Variants in ADAM12 observed in about 807,000 individuals in gnomAD.
ADAM12 encodes ADAM metallopeptidase domain 12.
A neutral mutation model predicts 106.4 loss-of-function variants in ADAM12; 70 were observed. That is an observed-to-expected ratio of 0.66 (90% CI 0.54 to 0.80). ADAM12 has a LOEUF of 0.80. Among genes scored for constraint, ADAM12 ranks in the 30% least tolerant of loss-of-function variants. ADAM12 has a pLI of 0.00. For missense variants in ADAM12, 1,010 were observed against 1,171.9 expected (o/e 0.86, Z 2.02); for synonymous variants, 420 against 433.5 (o/e 0.97, Z 0.39).
At chr10:126,286,271 C>G (rs182732528) in intron 2 of ADAM12, among the ~76,000 whole-genome samples, 5 of 151,974 alleles carry the variant, frequency 3.3e-5, no homozygotes, top group African/African-American at 1.2e-4. Context: ...GGCAGTGGAA[C>G]GGCAGCAGGT....
intron 3 of ADAM12, among the ~76,000 whole-genome samples, chr10:126,166,719 C>T (rs1957031422): frequency 6.6e-6 from 1 of 151,954 alleles, no homozygotes; most frequent in Non-Finnish European, 1.5e-5. Context: ...GGATGGTCTC[C>T]ATCTCTTGAC....
intron 2 of ADAM12, among the ~76,000 whole-genome samples, chr10:126,324,412 G>C (rs1564733750): frequency 6.6e-6 from 1 of 152,210 alleles, no homozygotes; most frequent in African/African-American, 2.4e-5. Context: ...AAGATGTAGG[G>C]GTGGGGGCTC....
intron 2 of ADAM12, among the ~76,000 whole-genome samples, chr10:126,286,458 C>G (rs1056055323): frequency 1.2e-4 from 19 of 152,112 alleles, no homozygotes; most frequent in Admixed American, 6.5e-4. Context: ...TCAAGAAGAA[C>G]AACAAAATTA....
At chr10:126,288,834 A>G (rs1187531119) in intron 2 of ADAM12, among the ~76,000 whole-genome samples, 1 of 151,242 alleles carries the variant, frequency 6.6e-6, no homozygotes, top group Non-Finnish European at 1.5e-5. Flanking sequence ...CAGGGACAGG[A>G]AAGTGGTGAC....
chr10:126,109,929 G>A (rs1955840076), intron 6 of ADAM12, 89 bp from the exon 7 acceptor site: 1 of 1,291,368 alleles, frequency 7.7e-7, no homozygotes, highest in Non-Finnish European at 1.1e-6. Context: ...ACTTTAGGTT[G>A]AGAATGTATA....
At chr10:126,220,167 C>G (rs1260785014) in intron 3 of ADAM12, among the ~76,000 whole-genome samples, 1 of 152,190 alleles carries the variant, frequency 6.6e-6, no homozygotes, top group Non-Finnish European at 1.5e-5. Context: ...TGTGTCTGTG[C>G]GTGGCAATGT....
At chr10:126,264,883 G>T (rs569756004) in intron 3 of ADAM12, among the ~76,000 whole-genome samples, 4 of 152,064 alleles carry the variant, frequency 2.6e-5, no homozygotes, top group Non-Finnish European at 5.9e-5. Context: ...ATCTACCTCC[G>T]TGCCAGATGT....
At chr10:126,305,019 T>G (rs933137182) in intron 2 of ADAM12, among the ~76,000 whole-genome samples, 1 of 152,042 alleles carries the variant, frequency 6.6e-6, no homozygotes, top group East Asian at 1.9e-4. Context: ...AACACATATA[T>G]ATTTCTGGCG....
chr10:126,254,091 T>C (rs1958840827), intron 3 of ADAM12, among the ~76,000 whole-genome samples: 1 of 152,178 alleles, frequency 6.6e-6, no homozygotes, highest in South Asian at 2.1e-4. Context: ...TGGGCAGCAC[T>C]GTCCATCTTC....
intron 5 of ADAM12, among the ~76,000 whole-genome samples, chr10:126,121,015 ATATATATTATATAT>A (rs1460516346): frequency 2.2e-5 from 1 of 45,476 alleles, no homozygotes; most frequent in Non-Finnish European, 4.8e-5. Context: ...ATGCAATATA[ATATATATTATATAT>A]TATATATGCA....
At chr10:126,382,746 TG>T (rs932514283) in intron 1 of ADAM12, among the ~76,000 whole-genome samples, 3 of 151,756 alleles carry the variant, frequency 2.0e-5, no homozygotes, top group East Asian at 3.9e-4. Context: ...ATTAAACAAA[TG>T]GGGGGGAAAG....
At position 126,036,335 on chromosome 10, in the gene ADAM12, CAAAGT is replaced by C. The variant is rs745777766; in HGVS notation, c.2350-15_2350-11del. 1.8e-5 allele frequency: 28 copies of C among 1,563,946 alleles called. No individual in the cohort carries two copies. The highest frequency in any genetic ancestry group is 2.2e-5 in the Non-Finnish European group (26 of 1,161,600). On this transcript the variant is annotated splice_polypyrimidine_tract_variant and intron_variant, in intron 20 of 22. Coordinates refer to ENST00000448723, the MANE Select transcript of ADAM12 (RefSeq NM_001288973.2). ...ATCTCCTGGGATTGTCCTGTACAGTCAAAGTAAAAAGCCATGCTATAGCGGGTTTC... is the reference window on the plus strand; with the variant it reads ...ATCTCCTGGGATTGTCCTGTACAGTCAAAAAGCCATGCTATAGCGGGTTTC...
intron 1 of ADAM12, among the ~76,000 whole-genome samples, chr10:126,384,947 G>T (rs1182275263): frequency 6.6e-6 from 1 of 152,204 alleles, no homozygotes; most frequent in Non-Finnish European, 1.5e-5. Context: ...ACAAGTAGTA[G>T]GTTGTCACAC....
intron 14 of ADAM12, among the ~76,000 whole-genome samples, chr10:126,055,159 C>A (rs973947516): frequency 6.6e-6 from 1 of 152,290 alleles, no homozygotes; most frequent in East Asian, 1.9e-4. Context: ...CTTCCCTGCA[C>A]CCATCCCCTT....
chr10:126,204,101 C>G (rs954320134), intron 3 of ADAM12, among the ~76,000 whole-genome samples: 14 of 152,332 alleles, frequency 9.2e-5, no homozygotes, highest in Admixed American at 2.0e-4. Flanking sequence ...ACCCCCAGCT[C>G]CTATCTCCAG....
intron 4 of ADAM12, among the ~76,000 whole-genome samples, chr10:126,152,899 A>G (rs568967738): frequency 2.0e-5 from 3 of 152,322 alleles, no homozygotes; most frequent in African/African-American, 7.2e-5. Context: ...TACAATACAA[A>G]TTCTTAAACC....
intron 1 of ADAM12, among the ~76,000 whole-genome samples, chr10:126,384,042 G>T (rs956632596): frequency 3.9e-5 from 6 of 152,148 alleles, no homozygotes; most frequent in African/African-American, 1.4e-4. Flanking sequence ...TGTCCTTTCT[G>T]CTGTATTACT....
rs189965845 is a variant in ADAM12, at chr10:126,227,407, C to G, written c.260+51508G>C. ...ATCATTTTCTCTTCATCATCAACTT[C>G]ACGCACATTGTGAGGCACTTAGTAT... On this transcript the variant is annotated intron_variant, in intron 3 of 22. Coordinates refer to ENST00000448723, the MANE Select transcript of ADAM12 (RefSeq NM_001288973.2). Among the ~76,000 whole-genome samples, 19 of 152,314 alleles carry G rather than the reference C, an allele frequency of 1.2e-4. No individual in the cohort carries two copies. In the East Asian group the frequency reaches 3.1e-3, roughly 25 times the overall value.
intron 1 of ADAM12, among the ~76,000 whole-genome samples, chr10:126,372,918 A>G (rs1856160024): frequency 6.6e-6 from 1 of 152,220 alleles, no homozygotes; most frequent in Non-Finnish European, 1.5e-5. Flanking sequence ...AGTACCATCT[A>G]TTGCAGCTGA....
Sources: gnomAD v4.1 joint callset for allele counts (sites outside exome capture counted in the v4.1 genomes callset) on GRCh38, gnomAD v4.1.1 for gene constraint, MANE v1.5 for transcripts, NCBI Gene and HGNC (gene_info 2026-07-23, HGNC 2026-07-21) for gene names.